PRKAG2: variants seen among roughly 807,000 people sequenced by gnomAD.
PRKAG2 encodes the protein protein kinase AMP-activated non-catalytic subunit gamma 2, also known as 5'-AMP-activated protein kinase subunit gamma-2.
PRKAG2 carries 26 observed loss-of-function variants against 69.6 expected under a neutral mutation model. The observed-to-expected ratio is 0.37, with a 90% CI of 0.27 to 0.52. PRKAG2 has a LOEUF of 0.52. PRKAG2 is among the 20% of genes least tolerant of loss of function. The pLI is 0.90. For missense variants in PRKAG2, 557 were observed against 740.0 expected (o/e 0.75, Z 2.87); for synonymous variants, 293 against 285.0 (o/e 1.03, Z -0.28).
intron 3 of PRKAG2, among the ~76,000 whole-genome samples, chr7:151,748,120 C>T (rs2074414377): frequency 6.6e-6 from 1 of 152,012 alleles, no homozygotes; most frequent in African/African-American, 2.4e-5. Context: ...GGGGTTTCAC[C>T]ATGTTGCCCA....
intron 9 of PRKAG2, 111 bp from the exon 10 acceptor site, chr7:151,570,336 C>T (rs1433856987): frequency 6.3e-6 from 8 of 1,261,524 alleles, no homozygotes; most frequent in Middle Eastern, 2.3e-4. Flanking sequence ...GGATTAAAAA[C>T]TCAAATAAAA....
rs144264197 is a variant in PRKAG2 at position 151,699,291 on chromosome 7, C to T, written c.467-23654G>A. Among the ~76,000 whole-genome samples, 207 of 152,348 alleles carry T rather than the reference C, an allele frequency of 1.4e-3. No individual in the cohort carries two copies. The highest frequency in any genetic ancestry group is 4.5e-3 in the African/African-American group (186 of 41,582). On this transcript the variant is annotated intron_variant, in intron 3 of 15. Coordinates refer to ENST00000287878, the MANE Select transcript of PRKAG2 (RefSeq NM_016203.4). The surrounding 1 kb of genome is among the most constrained non-coding windows in gnomAD (Gnocchi z 4.5). ...CCCACGAAGGTTGCCTCCCTCCCTG[C>T]GGTCAGGCTGCCTGCAGGCCTAGTC...
chr7:151,558,239 C>T (rs1411878303), intron 15 of PRKAG2: 19 of 985,324 alleles, frequency 1.9e-5, no homozygotes, highest in East Asian at 1.1e-4. Flanking sequence ...CTCTGGGGAA[C>T]GGTGGCCATT....
chr7:151,810,473 G>A (rs2078358577), intron 1 of PRKAG2: 1 of 152,272 alleles, frequency 6.6e-6, no homozygotes, highest in Non-Finnish European at 1.5e-5. Flanking sequence ...GAAAAGGAAA[G>A]CCAAGTTGGG....
At position 151,836,309 on chromosome 7, in the gene PRKAG2, C is replaced by A. The variant is rs1035555175; in HGVS notation, c.114+40198G>T. On this transcript the variant is annotated intron_variant, in intron 1 of 15. Transcript: ENST00000287878. This position sits in a 1 kb window ranked among gnomAD's most constrained non-coding sequence, Gnocchi z 4.1. ...CAGCCCGAGACAGACTGTGGTCTGA[C>A]TGCAGGCTGACACACCTGGGTCCAC... Among the ~76,000 whole-genome samples the A allele has an allele frequency of 6.6e-6, 1 of 152,198 alleles. No individual in the cohort carries two copies. Among genetic ancestry groups the A allele is most frequent in the Admixed American group, 6.5e-5 (1 of 15,286 alleles).
chr7:151,861,216 C>G (rs147982570), intron 1 of PRKAG2, among the ~76,000 whole-genome samples: 23 of 152,140 alleles, frequency 1.5e-4, no homozygotes, highest in Non-Finnish European at 2.9e-4. Flanking sequence ...AAAAGGAAAT[C>G]TCGTTCAAAT....
chr7:151,620,995 G>A (rs11770306), intron 5 of PRKAG2, among the ~76,000 whole-genome samples: 20,100 of 152,108 alleles, frequency 0.13, 1,495 homozygotes, highest in East Asian at 0.25. Flanking sequence ...TGGGATTACC[G>A]GCAAGAGCTA....
At chr7:151,580,836 T>A (rs1810269665) in intron 6 of PRKAG2, among the ~76,000 whole-genome samples, 1 of 152,046 alleles carries the variant, frequency 6.6e-6, no homozygotes, top group South Asian at 2.1e-4. Flanking sequence ...GTAGGGGCAG[T>A]TCATGGATAA....
At chr7:151,609,193 C>T (rs1189121524) in intron 5 of PRKAG2, among the ~76,000 whole-genome samples, 2 of 152,134 alleles carry the variant, frequency 1.3e-5, no homozygotes, top group Non-Finnish European at 2.9e-5. Context: ...ATTTTAAAAA[C>T]ACCTGCAAAT....
intron 1 of PRKAG2, among the ~76,000 whole-genome samples, chr7:151,822,331 C>T (rs1158040729): frequency 6.6e-6 from 1 of 151,834 alleles, no homozygotes; most frequent in African/African-American, 2.4e-5. Context: ...TGTCAGCAGG[C>T]CAGGGTCAAG....
At chr7:151,822,985 T>C (rs934151589) in intron 1 of PRKAG2, among the ~76,000 whole-genome samples, 2 of 152,162 alleles carry the variant, frequency 1.3e-5, no homozygotes, top group African/African-American at 4.8e-5. Flanking sequence ...CTTGAAAATC[T>C]AGGGCTCCTA....
chr7:151,636,830 G>T (rs1386599285), intron 4 of PRKAG2, among the ~76,000 whole-genome samples: 1 of 151,996 alleles, frequency 6.6e-6, no homozygotes, highest in African/African-American at 2.4e-5. Context: ...TCAGCCTCCC[G>T]AGTAGCTGGG....
At chr7:151,587,878 A>T (rs1812069446) in intron 6 of PRKAG2, among the ~76,000 whole-genome samples, 1 of 152,224 alleles carries the variant, frequency 6.6e-6, no homozygotes, top group South Asian at 2.1e-4. Flanking sequence ...ACCATGTATC[A>T]ATATTGGTTC....
At position 151,589,414 on chromosome 7, in the gene PRKAG2, T is replaced by C. The variant is rs184402543; in HGVS notation, c.864+5931A>G. Among the ~76,000 whole-genome samples the C allele has an allele frequency of 8.0e-4, 122 of 152,312 alleles. 1 individual carries two copies. The highest frequency in any genetic ancestry group is 2.7e-3 in the African/African-American group (113 of 41,562). On this transcript the variant is annotated intron_variant, in intron 6 of 15. Coordinates refer to ENST00000287878, the MANE Select transcript of PRKAG2 (RefSeq NM_016203.4). ...GTCACTGAGCCTCATCCCCCCGTTT[T>C]GGATTCGGGTCTCAGATTGGGTCTG...
At chr7:151,863,926 G>A (rs1344116940) in intron 1 of PRKAG2, among the ~76,000 whole-genome samples, 1 of 148,472 alleles carries the variant, frequency 6.7e-6, no homozygotes, top group Non-Finnish European at 1.5e-5. Context: ...AAGGAACCAA[G>A]AACCAAATAT....
Position 151,557,116 on chromosome 7 carries a change from C to T in PRKAG2, c.*85G>A, listed in dbSNP as rs1197636357. 3.1e-6 allele frequency: 5 copies of T among 1,592,810 alleles called. No individual in the cohort carries two copies. The highest frequency in any genetic ancestry group is 1.1e-5 in the South Asian group (1 of 90,578). Reference sequence around the variant, plus strand: ...TTAAACCCTGATATACATTCTTAACCACTTGCAGCCAGTGTTCATGAGGCA... The same window carrying T: ...TTAAACCCTGATATACATTCTTAACTACTTGCAGCCAGTGTTCATGAGGCA... On this transcript the variant is annotated 3_prime_UTR_variant, in exon 16 of 16. Coordinates refer to ENST00000287878, the MANE Select transcript of PRKAG2 (RefSeq NM_016203.4).
intron 1 of PRKAG2, among the ~76,000 whole-genome samples, chr7:151,833,607 C>T (rs2151878751): frequency 6.6e-6 from 1 of 152,330 alleles, no homozygotes; most frequent in South Asian, 2.1e-4. Context: ...AGAAACCCAT[C>T]TGGTCCCCAG....
chr7:151,598,973 T>A (rs1279622423), intron 5 of PRKAG2, among the ~76,000 whole-genome samples: 1 of 152,050 alleles, frequency 6.6e-6, no homozygotes, highest in Non-Finnish European at 1.5e-5. Context: ...TGCCTCAGCC[T>A]CCCGAGTAGC....
chr7:151,813,476 G>A (rs371661493), intron 1 of PRKAG2, among the ~76,000 whole-genome samples: 110 of 144,160 alleles, frequency 7.6e-4, no homozygotes, highest in African/African-American at 2.4e-3. Flanking sequence ...TCTGGCTTAC[G>A]GAAGGCGATT....
Sources: allele counts gnomAD v4.1 joint callset (sites outside exome capture counted in the v4.1 genomes callset), GRCh38; gene constraint gnomAD v4.1.1; non-coding constraint Gnocchi (gnomAD v3.1); transcripts MANE v1.5; gene names NCBI Gene and HGNC (gene_info 2026-07-23, HGNC 2026-07-21).